Variants in OR2L13 observed in about 807,000 individuals in gnomAD.
OR2L13 encodes the protein olfactory receptor family 2 subfamily L member 13, also known as olfactory receptor 2L13.
In OR2L13, 14 loss-of-function variants were observed where a neutral mutation model predicts 15.3. The observed-to-expected ratio is 0.91, with a 90% confidence interval of 0.60 to 1.43. OR2L13 has a LOEUF of 1.43. Among genes scored for constraint, OR2L13 ranks in the 40% most tolerant of loss-of-function variants. The pLI is 0.00. For missense variants in OR2L13, 367 were observed against 387.9 expected (o/e 0.95, Z 0.45); for synonymous variants, 152 against 142.9 (o/e 1.06, Z -0.45).
chr1:247,999,927 G>A, the OR2L13 span, among the ~76,000 whole-genome samples: 1,001 of 152,158 alleles, frequency 6.6e-3, 14 homozygotes, highest in African/African-American at 0.023. Flanking sequence ...AAGTTTCAAA[G>A]ATTCAGAACT....
chr1:248,016,287 T>C, the OR2L13 span, among the ~76,000 whole-genome samples: 1 of 152,314 alleles, frequency 6.6e-6, no homozygotes, highest in Non-Finnish European at 1.5e-5. Flanking sequence ...CTCAACTTGA[T>C]TTACACAGGA....
chr1:248,005,561 T>C, the OR2L13 span, among the ~76,000 whole-genome samples: 413 of 152,316 alleles, frequency 2.7e-3, 1 homozygote, highest in African/African-American at 9.2e-3. Flanking sequence ...AATCGTAGAA[T>C]GGTTTTTACT....
the OR2L13 span, among the ~76,000 whole-genome samples, chr1:247,956,349 T>C: frequency 6.6e-6 from 1 of 151,398 alleles, no homozygotes; most frequent in South Asian, 2.1e-4. Flanking sequence ...TACTGTAGCC[T>C]TGTAGTATAG....
At chr1:247,950,287 TA>T in the OR2L13 span, among the ~76,000 whole-genome samples, 1 of 152,186 alleles carries the variant, frequency 6.6e-6, no homozygotes. Context: ...GGGGACTTAT[TA>T]TTACTGAGAT....
chr1:248,096,322 G>A (rs1000128152), upstream of OR2L13, among the ~76,000 whole-genome samples: 2 of 151,612 alleles, frequency 1.3e-5, no homozygotes, highest in African/African-American at 4.8e-5. Context: ...GGCGGAGCTT[G>A]CAGTGAGCCA....
the OR2L13 span, among the ~76,000 whole-genome samples, chr1:248,044,467 C>T: frequency 6.6e-6 from 1 of 152,182 alleles, no homozygotes; most frequent in Non-Finnish European, 1.5e-5. Context: ...CACCAATCAG[C>T]AATACCCACA....
the OR2L13 span, among the ~76,000 whole-genome samples, chr1:248,056,284 T>C: frequency 5.4e-4 from 83 of 152,322 alleles, no homozygotes; most frequent in South Asian, 0.017. Flanking sequence ...ACCTAGTTTA[T>C]TGATTTTTTT....
the OR2L13 span, among the ~76,000 whole-genome samples, chr1:248,084,791 T>G: frequency 1.3e-5 from 2 of 152,118 alleles, no homozygotes; most frequent in African/African-American, 4.8e-5. Flanking sequence ...AAGGACTCAT[T>G]AAATTACTAC....
the OR2L13 span, chr1:248,061,254 C>T: frequency 6.2e-7 from 1 of 1,610,492 alleles, no homozygotes; most frequent in East Asian, 2.2e-5. Context: ...GCATGGACAC[C>T]TGGGTCTATG....
chr1:248,029,781 T>C, the OR2L13 span, among the ~76,000 whole-genome samples: 1 of 152,218 alleles, frequency 6.6e-6, no homozygotes, highest in Admixed American at 6.5e-5. Context: ...ACATTCAAAC[T>C]ATAGGGTTTC....
At chr1:248,030,532 A>G in the OR2L13 span, among the ~76,000 whole-genome samples, 9 of 152,342 alleles carry the variant, frequency 5.9e-5, no homozygotes, top group African/African-American at 9.6e-5. Flanking sequence ...AAGTGAAATT[A>G]AAGAACCCAC....
chr1:247,969,703 G>A, the OR2L13 span, among the ~76,000 whole-genome samples: 1 of 152,144 alleles, frequency 6.6e-6, no homozygotes, highest in Non-Finnish European at 1.5e-5. Context: ...AAAGTATTTG[G>A]TAATCTTTTT....
the OR2L13 span, among the ~76,000 whole-genome samples, chr1:247,969,196 G>T: frequency 2.0e-5 from 3 of 151,902 alleles, no homozygotes; most frequent in East Asian, 3.9e-4. Context: ...GGGGTTGTTT[G>T]TTTTTTTCTT....
chr1:248,088,091 G>A, the OR2L13 span, among the ~76,000 whole-genome samples: 2 of 152,052 alleles, frequency 1.3e-5, no homozygotes, highest in African/African-American at 4.8e-5. Context: ...ATATAGCAAT[G>A]TAAACAATGT....
At chr1:247,947,870 C>A in the OR2L13 span, among the ~76,000 whole-genome samples, 1 of 152,192 alleles carries the variant, frequency 6.6e-6, no homozygotes, top group African/African-American at 2.4e-5. Flanking sequence ...AAAGATCATT[C>A]AAGTTTCTCA....
chr1:247,965,740 C>G, the OR2L13 span: 1 of 1,561,962 alleles, frequency 6.4e-7, no homozygotes, highest in South Asian at 1.2e-5. Flanking sequence ...GTCTTATGAT[C>G]GCTATGTAGC....
At chr1:247,949,219 G>A in the OR2L13 span, 1,485 of 1,614,190 alleles carry the variant, frequency 9.2e-4, 1 homozygote, top group Non-Finnish European at 1.1e-3. Flanking sequence ...GCCTATGATC[G>A]TTACATTGCT....
At chr1:248,082,043 G>T in the OR2L13 span, among the ~76,000 whole-genome samples, 1 of 151,462 alleles carries the variant, frequency 6.6e-6, no homozygotes, top group Non-Finnish European at 1.5e-5. Context: ...ACATGCACAC[G>T]TATGTTTATT....
chr1:248,068,883 GATGAAATGA>G, the OR2L13 span, among the ~76,000 whole-genome samples: 1 of 152,152 alleles, frequency 6.6e-6, no homozygotes, highest in African/African-American at 2.4e-5. Flanking sequence ...AGTGATGGAA[GATGAAATGA>G]ATGAAATGAA....
Sources: gnomAD v4.1 joint callset for allele counts (sites outside exome capture counted in the v4.1 genomes callset) on GRCh38, gnomAD v4.1.1 for gene constraint, MANE v1.5 for transcripts, NCBI Gene and HGNC (gene_info 2026-07-23, HGNC 2026-07-21) for gene names.